CLEC3A: variants seen among roughly 807,000 people sequenced by gnomAD.
The protein encoded by CLEC3A is C-type (calcium dependent, carbohydrate-recognition domain) lectin, superfamily member 1 (cartilage-derived).
A neutral mutation model predicts 20.4 loss-of-function variants in CLEC3A; 28 were observed. The observed-to-expected ratio is 1.37, with a 90% CI of 1.02 to 1.88. CLEC3A has a LOEUF of 1.88. CLEC3A is among the 40% of genes most tolerant of loss of function. The pLI is 0.00. For missense variants in CLEC3A, 357 were observed against 240.4 expected, an observed-to-expected ratio of 1.48 and a Z score of -3.21; for synonymous variants, 110 against 88.1, an observed-to-expected ratio of 1.25 and a Z score of -1.39.
In CLEC3A at chr16:78,022,654, A is replaced by G. The variant is rs773047485; in HGVS notation, c.28A>G (p.Ile10Val). The change falls in exon 1 of 3, where the codon ATC (isoleucine) becomes GTC (valine). Residue 10 changes from isoleucine to valine, a missense_variant. Transcript: ENST00000299642. ...GGCAAAGAATGGACTTGTAATTTGC[A>G]TCCTGGTGATCACCTTACTCCTGGA... MAKNGLVIC[I>V]LVITLLLDQT... is the part of the protein sequence containing the mutation. The G allele has an allele frequency of 1.1e-5, 17 of 1,614,050 alleles. No individual in the cohort carries two copies. The highest frequency in any genetic ancestry group is 1.6e-4 in the Middle Eastern group (1 of 6,084).
intron 1 of CLEC3A, among the ~76,000 whole-genome samples, chr16:78,023,088 G>C (rs1379297653): frequency 6.6e-6 from 1 of 152,166 alleles, no homozygotes; most frequent in Non-Finnish European, 1.5e-5. Flanking sequence ...GGGGCAAGAA[G>C]AATGTATTAA....
At chr16:78,023,009 G>T (rs1292678936) in intron 1 of CLEC3A, among the ~76,000 whole-genome samples, 1 of 152,128 alleles carries the variant, frequency 6.6e-6, no homozygotes, top group African/African-American at 2.4e-5. Flanking sequence ...TTTTTGTTAG[G>T]TGGGCTTAAA....
At chr16:78,026,074 T>C (rs1567543234) in intron 1 of CLEC3A, among the ~76,000 whole-genome samples, 3 of 152,198 alleles carry the variant, frequency 2.0e-5, no homozygotes, top group Non-Finnish European at 4.4e-5. Context: ...AATGCACCCT[T>C]ACATTTTTTC....
At chr16:78,026,965 AC>A (rs1175067731) in intron 1 of CLEC3A, among the ~76,000 whole-genome samples, 1 of 152,174 alleles carries the variant, frequency 6.6e-6, no homozygotes, top group Non-Finnish European at 1.5e-5. Flanking sequence ...GGGACAGGGG[AC>A]CTGGGGACCC....
At chr16:78,028,290 C>G (rs2029985361) in intron 2 of CLEC3A, 100 bp downstream of exon 2, 1 of 824,292 alleles carries the variant, frequency 1.2e-6, no homozygotes, top group African/African-American at 1.8e-5. Context: ...ATTGACAAAT[C>G]AATAATGTGG....
chr16:78,029,642 A>G lies in CLEC3A; in HGVS notation c.200-805A>G, dbSNP rs764240798. Among the ~76,000 whole-genome samples the G allele has an allele frequency of 5.3e-5, 8 of 152,246 alleles. No individual in the cohort carries two copies. The East Asian group carries it at 5.8e-4, about 11-fold the overall frequency. ...TTCTGCCTCCCTAAGTGCTGGGATT[A>G]TAAGTGTGAGCCACCACGCCAAGCA... On this transcript the variant is annotated intron_variant, in intron 2 of 2. Transcript: ENST00000299642.
intron 1 of CLEC3A, among the ~76,000 whole-genome samples, chr16:78,023,757 C>CTTTTTTTTT (rs112037307): frequency 7.4e-6 from 1 of 134,534 alleles, no homozygotes; most frequent in African/African-American, 2.7e-5. Context: ...TGCAAGGTTT[C>CTTTTTTTTT]TTTTTTTTTT....
At chr16:78,030,334 C>G in intron 2 of CLEC3A, 113 bp from the exon 3 acceptor site, 1 of 953,454 alleles carries the variant, frequency 1.0e-6, no homozygotes, top group Non-Finnish European at 1.6e-6. Context: ...TAACTGTTGT[C>G]TCATCATTAT....
rs137965089 is a variant in CLEC3A, at chr16:78,028,492, G to C, written c.199+302G>C. On this transcript the variant is annotated intron_variant, in intron 2 of 2. Coordinates refer to ENST00000299642, the MANE Select transcript of CLEC3A (RefSeq NM_005752.6). ...GAAGCCAGTATGAAATGACTAAAAT[G>C]ATTAGCATTTATTGGATGATAGCTA... is the stretch of plus-strand genomic sequence containing the variant. Among the ~76,000 whole-genome samples, 407 of 152,356 alleles carry C rather than the reference G, an allele frequency of 2.7e-3. 3 individuals are homozygous for C. Among genetic ancestry groups the C allele is most frequent in the African/African-American group, 9.5e-3 (393 of 41,586 alleles).
At chr16:78,028,927 C>G (rs2030004957) in intron 2 of CLEC3A, among the ~76,000 whole-genome samples, 2 of 152,166 alleles carry the variant, frequency 1.3e-5, no homozygotes, top group Admixed American at 6.5e-5. Flanking sequence ...GCAATGTTGC[C>G]TAGTAACAAG....
chr16:78,028,686 G>T (rs1235204981), intron 2 of CLEC3A, among the ~76,000 whole-genome samples: 2 of 152,230 alleles, frequency 1.3e-5, no homozygotes, highest in Non-Finnish European at 2.9e-5. Context: ...GGGTGAGGAA[G>T]TGAGCCATGT....
In CLEC3A at chr16:78,031,954, T is replaced by C. The variant is rs1022050684; in HGVS notation, c.*1113T>C. 6 of 152,654 alleles carry C rather than the reference T, an allele frequency of 3.9e-5. No homozygotes were observed. Among genetic ancestry groups the C allele is most frequent in the African/African-American group, 1.2e-4 (5 of 41,466 alleles). The allele number at this position is 152,654 out of a possible 1,614,324, so 9.5% of individuals were successfully genotyped here. ...CTTTTTAGAAGCAAACAATTTTAAA[T>C]ATATTTTGTTCTTCAAATAAATAGT... On this transcript the variant is annotated 3_prime_UTR_variant, in exon 3 of 3. Transcript: ENST00000299642.
chr16:78,030,505 G>T lies in CLEC3A; in HGVS notation c.258G>T (p.Lys86Asn), dbSNP rs780169477. The stretch of plus-strand genomic sequence containing the variant: ...GCTACCTTGCTTCAGAAGGTTTGAA[G>T]CATTTCCATGAGGCCAATGAAGACT... ...KKCYLASEGL[K>N]HFHEANEDCI... Residue 86 changes from lysine to asparagine, a missense_variant, in exon 3 of 3, where the codon AAG (lysine) becomes AAT (asparagine). Coordinates refer to ENST00000299642, the MANE Select transcript of CLEC3A (RefSeq NM_005752.6). 1 of 1,613,902 alleles carries T rather than the reference G, an allele frequency of 6.2e-7. No individual in the cohort carries two copies. Among genetic ancestry groups the T allele is most frequent in the Non-Finnish European group, 8.5e-7 (1 of 1,179,898 alleles).
intron 1 of CLEC3A, 115 bp from the exon 2 acceptor site, chr16:78,027,992 G>A: frequency 1.3e-6 from 1 of 758,708 alleles, no homozygotes. Context: ...GTATACACTG[G>A]GCTCAGGTTC....
At chr16:78,027,558 A>G (rs2029963515) in intron 1 of CLEC3A, among the ~76,000 whole-genome samples, 1 of 152,218 alleles carries the variant, frequency 6.6e-6, no homozygotes, top group Non-Finnish European at 1.5e-5. Flanking sequence ...AGGACCTTCT[A>G]GTATTATGAT....
At chr16:78,024,917 A>C (rs1395144586) in intron 1 of CLEC3A, among the ~76,000 whole-genome samples, 1 of 151,946 alleles carries the variant, frequency 6.6e-6, no homozygotes, top group African/African-American at 2.4e-5. Flanking sequence ...ACCTCTACCC[A>C]CCAGGTTCAA....
intron 2 of CLEC3A, 36 bp from the exon 3 acceptor site, chr16:78,030,411 A>C: frequency 6.5e-7 from 1 of 1,542,846 alleles, no homozygotes. Context: ...TACACTCAAA[A>C]TGCATCTTAA....
intron 1 of CLEC3A, among the ~76,000 whole-genome samples, chr16:78,025,806 G>A (rs567470298): frequency 5.7e-4 from 87 of 152,168 alleles, no homozygotes; most frequent in Non-Finnish European, 1.1e-3. Context: ...CAGCTACAAA[G>A]GATGGAAGCT....
chr16:78,030,255 G>A (rs192375802), intron 2 of CLEC3A, among the ~76,000 whole-genome samples, 192 bp from the exon 3 acceptor site: 1 of 152,074 alleles, frequency 6.6e-6, no homozygotes, highest in East Asian at 1.9e-4. Flanking sequence ...CAACTTCATG[G>A]GGTTGTCAGG....
Sources: allele counts gnomAD v4.1 joint callset (sites outside exome capture counted in the v4.1 genomes callset), GRCh38; gene constraint gnomAD v4.1.1; transcripts MANE v1.5; gene names NCBI Gene and HGNC (gene_info 2026-07-23, HGNC 2026-07-21).